Variants in DGKB observed in about 807,000 individuals in gnomAD.
DGKB encodes the protein 90 kDa diacylglycerol kinase.
DGKB carries 67 observed loss-of-function variants against 114.3 expected under a neutral mutation model. The observed-to-expected ratio is 0.59, with a 90% CI of 0.48 to 0.72. The LOEUF is 0.72. DGKB is among the 30% of genes least tolerant of loss of function. The pLI, the probability that DGKB is intolerant of heterozygous loss-of-function variation, is 0.00. For missense variants in DGKB, 907 were observed against 975.2 expected (o/e 0.93, Z 0.93); for synonymous variants, 398 against 323.1 (o/e 1.23, Z -2.49).
At chr7:14,799,268 C>T (rs950132378) in intron 2 of DGKB, among the ~76,000 whole-genome samples, 6 of 152,184 alleles carry the variant, frequency 3.9e-5, no homozygotes, top group African/African-American at 1.4e-4. Flanking sequence ...ATTTAGCTGG[C>T]TAGGCCAGAA....
chr7:14,156,849 C>T (rs115024684), intron 25 of DGKB, among the ~76,000 whole-genome samples: 316 of 152,238 alleles, frequency 2.1e-3, no homozygotes, highest in African/African-American at 7.0e-3. Context: ...TGTGGAAATT[C>T]TGAATTAGAA....
At chr7:14,635,890 C>T (rs1810661213) in intron 13 of DGKB, among the ~76,000 whole-genome samples, 1 of 151,550 alleles carries the variant, frequency 6.6e-6, no homozygotes, top group African/African-American at 2.4e-5. Context: ...AGAAATATAT[C>T]ATTGTATAGT....
intron 10 of DGKB, among the ~76,000 whole-genome samples, chr7:14,684,128 T>A (rs1821289261): frequency 6.6e-6 from 1 of 152,160 alleles, no homozygotes; most frequent in South Asian, 2.1e-4. Flanking sequence ...ATGGCAAATT[T>A]CAGGTAACTT....
intron 23 of DGKB, among the ~76,000 whole-genome samples, chr7:14,258,452 A>AGAT (rs761002969): frequency 2.6e-5 from 4 of 152,252 alleles, no homozygotes; most frequent in Non-Finnish European, 4.4e-5. Context: ...CAAAGACTAC[A>AGAT]GATGAAATTT....
chr7:14,685,917 G>A (rs1487099094), intron 9 of DGKB, among the ~76,000 whole-genome samples: 1 of 152,072 alleles, frequency 6.6e-6, no homozygotes, highest in African/African-American at 2.4e-5. Context: ...TTCATTCGAG[G>A]AGTCCTTATA....
chr7:14,343,055 T>A (rs2128586726), intron 22 of DGKB, among the ~76,000 whole-genome samples: 1 of 151,866 alleles, frequency 6.6e-6, no homozygotes. Context: ...TTTTGTTATA[T>A]TTAATTATAA....
rs191133654 is a variant in DGKB, at chr7:14,830,493, A to G, written c.70+10701T>C. On this transcript the variant is annotated intron_variant, in intron 2 of 25. Transcript: ENST00000402815. ...TCTGGGGAACTCTCCTTTCAAAGTC[A>G]AAGCTGTAGTTACTAGCATTTTATT... Among the ~76,000 whole-genome samples the G allele has an allele frequency of 4.4e-3, 669 of 152,258 alleles. 2 individuals carry two copies. Among genetic ancestry groups the G allele is most frequent in the Non-Finnish European group, 7.3e-3 (496 of 67,988 alleles).
At chr7:14,695,775 C>T (rs747944894) in intron 8 of DGKB, among the ~76,000 whole-genome samples, 1 of 151,536 alleles carries the variant, frequency 6.6e-6, no homozygotes. Context: ...CCAAAGTGCT[C>T]GGATTACAGG....
chr7:14,622,521 C>G (rs1456682104), intron 14 of DGKB, among the ~76,000 whole-genome samples: 1 of 152,082 alleles, frequency 6.6e-6, no homozygotes, highest in African/African-American at 2.4e-5. Context: ...CACATGAAGG[C>G]CTAAAGCACA....
chr7:14,533,843 A>G (rs1791993226), intron 20 of DGKB, among the ~76,000 whole-genome samples: 1 of 151,982 alleles, frequency 6.6e-6, no homozygotes. Context: ...TCAAAGATAG[A>G]TAATTTCCCA....
At chr7:14,613,533 A>C in intron 15 of DGKB, 120 bp from the exon 16 acceptor site, 2 of 629,400 alleles carry the variant, frequency 3.2e-6, no homozygotes, top group Non-Finnish European at 5.7e-6. Flanking sequence ...ACTTTCCACA[A>C]TGTGTGTGTG....
intron 2 of DGKB, among the ~76,000 whole-genome samples, chr7:14,828,809 G>T (rs183724698): frequency 6.6e-6 from 1 of 152,044 alleles, no homozygotes; most frequent in Admixed American, 6.6e-5. Context: ...GGGCATCAGC[G>T]TCCACATTTT....
intron 1 of DGKB, among the ~76,000 whole-genome samples, chr7:14,932,903 G>A (rs1278714676): frequency 2.0e-5 from 3 of 152,238 alleles, no homozygotes; most frequent in South Asian, 2.1e-4. Context: ...GATGGTCTTC[G>A]TCCACCTTGG....
At chr7:14,216,117 C>G (rs768155142) in intron 23 of DGKB, among the ~76,000 whole-genome samples, 1 of 151,842 alleles carries the variant, frequency 6.6e-6, no homozygotes, top group African/African-American at 2.4e-5. Flanking sequence ...TGAAGATATA[C>G]GATTGTAAAA....
intron 13 of DGKB, among the ~76,000 whole-genome samples, chr7:14,650,047 G>A (rs1814087184): frequency 6.6e-6 from 1 of 151,920 alleles, no homozygotes; most frequent in Admixed American, 6.6e-5. Flanking sequence ...ATTAATAAAG[G>A]GAGACTTTAA....
rs534461637 is a variant in DGKB at position 14,195,684 on chromosome 7, TA to T, written c.2123-17534del. Among the ~76,000 whole-genome samples the T allele has an allele frequency of 2.1e-4, 32 of 152,184 alleles. No homozygotes were observed. In the South Asian group the frequency reaches 6.6e-3, roughly 32 times the overall value. On this transcript the variant is annotated intron_variant, in intron 23 of 25. Coordinates refer to ENST00000402815, the MANE Select transcript of DGKB (RefSeq NM_001350709.2). ...GTTTCAGTGAAACATGAAAAACACA[TA>T]AAAATAAAATTTTAGAAACATGGTA...
At chr7:14,541,275 A>G (rs1299300467) in intron 20 of DGKB, among the ~76,000 whole-genome samples, 1 of 152,242 alleles carries the variant, frequency 6.6e-6, no homozygotes, top group East Asian at 1.9e-4. Flanking sequence ...AACATCATTT[A>G]CAAACATTAG....
chr7:14,639,374 T>C (rs12699651), intron 13 of DGKB, among the ~76,000 whole-genome samples: 105,564 of 152,078 alleles, frequency 0.69, 36,944 homozygotes, highest in East Asian at 0.81. Context: ...TCAAACACTG[T>C]AGAGCATTCA....
intron 19 of DGKB, among the ~76,000 whole-genome samples, chr7:14,574,775 A>AT (rs1040426188): frequency 1.3e-5 from 2 of 152,158 alleles, no homozygotes; most frequent in Admixed American, 6.5e-5. Context: ...CGTGGATGAC[A>AT]TTTTAGACTT....
Sources: gnomAD v4.1 joint callset for allele counts (sites outside exome capture counted in the v4.1 genomes callset) on GRCh38, gnomAD v4.1.1 for gene constraint, MANE v1.5 for transcripts, NCBI Gene and HGNC (gene_info 2026-07-23, HGNC 2026-07-21) for gene names.